Variants in SLC43A2 observed in about 807,000 individuals in gnomAD.
The protein encoded by SLC43A2 is large neutral amino acids transporter small subunit 4.
Under a neutral mutation model 63.2 loss-of-function variants are expected in SLC43A2, and 38 were observed. That is an observed-to-expected ratio of 0.60 (90% CI 0.46 to 0.79). SLC43A2 has a LOEUF of 0.79. SLC43A2 is among the 30% of genes least tolerant of loss of function. The probability of loss-of-function intolerance (pLI) is 0.00; values close to 1 mark genes in which losing one functional copy is unlikely to be tolerated. For synonymous variants in SLC43A2, 322 were observed against 331.0 expected (o/e 0.97, Z 0.30); for missense variants, 644 against 756.2 (o/e 0.85, Z 1.74).
intron 5 of SLC43A2, among the ~76,000 whole-genome samples, chr17:1,594,647 GC>G (rs1905114860): frequency 4.0e-4 from 56 of 138,736 alleles, no homozygotes; most frequent in Admixed American, 3.8e-3. Flanking sequence ...TACTGCAGTG[GC>G]TCTATCTCGG....
chr17:1,586,803 A>G, intron 9 of SLC43A2: 1 of 745,438 alleles, frequency 1.3e-6, no homozygotes. Context: ...GCAGACGAGG[A>G]ATGTTGATTG....
intron 5 of SLC43A2, among the ~76,000 whole-genome samples, chr17:1,612,689 C>T (rs534764515): frequency 3.9e-5 from 6 of 152,304 alleles, no homozygotes; most frequent in East Asian, 3.9e-4. Flanking sequence ...CAGGGAATGT[C>T]GGCCAGGCCA....
chr17:1,577,392 G>A lies in SLC43A2; in HGVS notation c.1425-672C>T, dbSNP rs760182862. Among the ~76,000 whole-genome samples the A allele has an allele frequency of 2.0e-5, 3 of 152,156 alleles. No individual in the cohort carries two copies. The highest frequency in any genetic ancestry group is 4.8e-5 in the African/African-American group (2 of 41,438). On this transcript the variant is annotated intron_variant, in intron 12 of 13. Coordinates refer to ENST00000301335, the MANE Select transcript of SLC43A2 (RefSeq NM_152346.3). This position sits in a 1 kb window ranked among gnomAD's most constrained non-coding sequence, Gnocchi z 4.9. The stretch of plus-strand genomic sequence containing the variant: ...TCGTCCAGAGAAGCATTGAGTAATC[G>A]CGGAAACTCAGCACCACAGATCCCG...
intron 5 of SLC43A2, among the ~76,000 whole-genome samples, chr17:1,608,554 AG>A (rs1433031028): frequency 6.6e-6 from 1 of 152,034 alleles, no homozygotes; most frequent in Admixed American, 6.6e-5. Flanking sequence ...CCACCATCCC[AG>A]GCTAATTTTT....
intron 5 of SLC43A2, among the ~76,000 whole-genome samples, chr17:1,601,233 G>A (rs915840339): frequency 2.0e-5 from 3 of 152,006 alleles, no homozygotes; most frequent in South Asian, 2.1e-4. Flanking sequence ...TGTTCCACAC[G>A]CTAATTTCAG....
rs896790475 is a variant in SLC43A2 at position 1,606,631 on chromosome 17, G to A, written c.501+6564C>T. 3.9e-5 allele frequency among the ~76,000 whole-genome samples: 6 copies of A among 152,182 alleles called. No homozygotes were observed. Among genetic ancestry groups the A allele is most frequent in the African/African-American group, 7.2e-5 (3 of 41,438 alleles). The stretch of plus-strand genomic sequence containing the variant: ...ACCCCAAGATGCGGCCTCAGCCGCC[G>A]GCCGTGTTTGTGCTCCAGCCGATGA... On this transcript the variant is annotated intron_variant, in intron 5 of 13. Transcript: ENST00000301335. The surrounding 1 kb of genome is among the most constrained non-coding windows in gnomAD (Gnocchi z 4.7).
At position 1,601,673 on chromosome 17, in the gene SLC43A2, G is replaced by A. The variant is rs1906037628; in HGVS notation, c.502-8394C>T. On this transcript the variant is annotated intron_variant, in intron 5 of 13. Coordinates refer to ENST00000301335, the MANE Select transcript of SLC43A2 (RefSeq NM_152346.3). Reference sequence around the variant, plus strand: ...CCCGAAGGTCCAAACCAATGCAAAGGCGCTACTGAGCCAGAGTCCTGCATT... The same window carrying A: ...CCCGAAGGTCCAAACCAATGCAAAGACGCTACTGAGCCAGAGTCCTGCATT... Among the ~76,000 whole-genome samples, 3 of 151,162 alleles carry A rather than the reference G, an allele frequency of 2.0e-5. No homozygotes were observed. The South Asian group carries it at 6.2e-4, about 31-fold the overall frequency.
intron 9 of SLC43A2, among the ~76,000 whole-genome samples, chr17:1,589,394 C>T (rs4239049): frequency 0.12 from 18,937 of 151,970 alleles, 1,382 homozygotes; most frequent in East Asian, 0.31. Context: ...CCCTTGAGCC[C>T]AGGAGTTCGA....
At position 1,593,211 on chromosome 17, in the gene SLC43A2, C is replaced by G; in HGVS notation, c.570G>C (p.Ser190=). 6.2e-7 allele frequency: 1 copy of G among 1,613,996 alleles called. No homozygotes were observed. The highest frequency in any genetic ancestry group is 2.2e-5 in the East Asian group (1 of 44,882). ...CCTTGATTCCTGGAAAGGTGACTGC[C>G]GAGGAGGCGTAGGACCCAATCATCA... is the stretch of plus-strand genomic sequence containing the variant. The part of the protein sequence containing the change: ...IALMIGSYAS[S]AVTFPGIKLI... The change falls in exon 6 of 14, where the codon TCG becomes TCC. Residue 190 remains serine (S), a synonymous_variant. Coordinates refer to ENST00000301335, the MANE Select transcript of SLC43A2 (RefSeq NM_152346.3). The surrounding 1 kb of genome is among the most constrained non-coding windows in gnomAD (Gnocchi z 5.3).
At chr17:1,601,532 C>T (rs1170344137) in intron 5 of SLC43A2, among the ~76,000 whole-genome samples, 1 of 151,548 alleles carries the variant, frequency 6.6e-6, no homozygotes, top group African/African-American at 2.4e-5. Flanking sequence ...GAGCCAGAGC[C>T]CTTCTGCACC....
intron 9 of SLC43A2, among the ~76,000 whole-genome samples, chr17:1,586,730 G>A (rs1022977846): frequency 9.9e-5 from 15 of 152,212 alleles, no homozygotes; most frequent in Admixed American, 3.3e-4. Flanking sequence ...CACCGCTCAC[G>A]GGGCTCTGAT....
At chr17:1,620,997 G>A (rs1433897830) in intron 2 of SLC43A2, among the ~76,000 whole-genome samples, 1 of 152,120 alleles carries the variant, frequency 6.6e-6, no homozygotes, top group African/African-American at 2.4e-5. Context: ...GCCTCCTCTG[G>A]GGTGGCCAGA....
intron 1 of SLC43A2, among the ~76,000 whole-genome samples, chr17:1,628,510 C>T (rs1908899529): frequency 6.6e-6 from 1 of 151,822 alleles, no homozygotes; most frequent in South Asian, 2.1e-4. Context: ...GCTGCGGCCA[C>T]GCGAACCCAG....
At chr17:1,623,275 G>T (rs1009587882) in intron 2 of SLC43A2, among the ~76,000 whole-genome samples, 1 of 152,302 alleles carries the variant, frequency 6.6e-6, no homozygotes, top group Middle Eastern at 3.4e-3. Context: ...GAGCTCGCAG[G>T]GACCTCTGTG....
intron 2 of SLC43A2, 69 bp downstream of exon 2, chr17:1,627,646 G>GCCCCCCAACCCCCCCC: frequency 1.4e-6 from 1 of 733,230 alleles, no homozygotes; most frequent in Non-Finnish European, 2.1e-6. Flanking sequence ...CTAGGTCTTC[G>GCCCCCCAACCCCCCCC]CCCCCATCCC....
intron 9 of SLC43A2, chr17:1,586,927 A>AGGGGGGC: frequency 7.4e-7 from 1 of 1,355,936 alleles, no homozygotes; most frequent in Non-Finnish European, 1.0e-6. Flanking sequence ...TTCCCTGACA[A>AGGGGGGC]TCCCCCCCAC....
intron 5 of SLC43A2, among the ~76,000 whole-genome samples, chr17:1,609,119 G>T (rs1403383150): frequency 1.3e-5 from 2 of 152,288 alleles, no homozygotes; most frequent in East Asian, 3.9e-4. Context: ...GATCAGAGTG[G>T]CTATGTTTTA....
At chr17:1,603,351 A>G (rs1906257112) in intron 5 of SLC43A2, 1 of 152,096 alleles carries the variant, frequency 6.6e-6, no homozygotes, top group South Asian at 2.1e-4. Context: ...TGCTGTCAGG[A>G]TGTTTATGCT....
intron 2 of SLC43A2, among the ~76,000 whole-genome samples, chr17:1,621,644 A>G (rs2151080716): frequency 6.6e-6 from 1 of 152,346 alleles, no homozygotes; most frequent in South Asian, 2.1e-4. Context: ...AGTGTGTGCC[A>G]GCTGCCATGC....
Sources: allele counts gnomAD v4.1 joint callset (sites outside exome capture counted in the v4.1 genomes callset), GRCh38; gene constraint gnomAD v4.1.1; non-coding constraint Gnocchi (gnomAD v3.1); transcripts MANE v1.5; gene names NCBI Gene and HGNC (gene_info 2026-07-23, HGNC 2026-07-21).